NRG1: variants seen among roughly 807,000 people sequenced by gnomAD.
NRG1 encodes neuregulin 1.
Under a neutral mutation model 63.8 loss-of-function variants are expected in NRG1, and 18 were observed. That is an observed-to-expected ratio of 0.28 (90% CI 0.19 to 0.42). The LOEUF is 0.42. Among genes scored for constraint, NRG1 ranks in the 10% least tolerant of loss-of-function variants. The pLI is 1.00. For synonymous variants in NRG1, 302 were observed against 301.3 expected (o/e 1.00, Z -0.02); for missense variants, 762 against 814.7 (o/e 0.94, Z 0.79).
At position 32,294,704 on chromosome 8, in the gene NRG1, CA is replaced by C. The variant is rs1177309727; in HGVS notation, c.38-301123del. Among the ~76,000 whole-genome samples, 6 of 152,278 alleles carry C rather than the reference CA, an allele frequency of 3.9e-5. No homozygotes were observed. The East Asian group carries it at 1.2e-3, about 30-fold the overall frequency. ...CTCTTAGCTCTGTTCAACCAAATCC[CA>C]TTATTGTCAGGAGAGGCTCTGGCAG... On this transcript the variant is annotated intron_variant, in intron 1 of 10. Transcript: ENST00000519301.
intron 5 of NRG1, among the ~76,000 whole-genome samples, chr8:32,642,605 GA>G (rs1852639102): frequency 6.6e-6 from 1 of 152,104 alleles, no homozygotes; most frequent in Non-Finnish European, 1.5e-5. Context: ...TGAAAATTAT[GA>G]TTTCATAATT....
intron 1 of NRG1, among the ~76,000 whole-genome samples, chr8:31,797,372 A>G (rs940275659): frequency 2.0e-5 from 3 of 152,112 alleles, no homozygotes; most frequent in Non-Finnish European, 2.9e-5. Context: ...TTTAGTCACC[A>G]TAAGTTGTGA....
intron 1 of NRG1, among the ~76,000 whole-genome samples, chr8:31,719,744 A>G (rs1424420832): frequency 3.3e-5 from 5 of 152,222 alleles, no homozygotes; most frequent in East Asian, 1.9e-4. Context: ...AGGATGAGCC[A>G]TAGTCATGCA....
At position 32,379,553 on chromosome 8, in the gene NRG1, T is replaced by G. The variant is rs78265131; in HGVS notation, c.38-216275T>G. 9.7e-3 allele frequency among the ~76,000 whole-genome samples: 1,471 copies of G among 152,340 alleles called. 30 individuals are homozygous for G. Among genetic ancestry groups the G allele is most frequent in the African/African-American group, 0.033 (1,391 of 41,574 alleles). ...ATCCTCTGGTAGGGGTAATTGCATATGATTGATATAACAAATTATGATTCA... is the reference window on the plus strand; with the variant it reads ...ATCCTCTGGTAGGGGTAATTGCATAGGATTGATATAACAAATTATGATTCA... On this transcript the variant is annotated intron_variant, in intron 1 of 10. Coordinates refer to the NRG1 transcript ENST00000519301.
intron 5 of NRG1, among the ~76,000 whole-genome samples, chr8:32,678,159 A>G (rs1234815477): frequency 1.3e-5 from 2 of 152,226 alleles, no homozygotes; most frequent in African/African-American, 2.4e-5. Context: ...TTAGAGATTT[A>G]ATTACATTTA....
chr8:32,027,452 CCTTCCTTCCT>C (rs1563695950), intron 1 of NRG1, among the ~76,000 whole-genome samples: 12 of 133,436 alleles, frequency 9.0e-5, no homozygotes, highest in East Asian at 2.2e-4. Flanking sequence ...TTCCTTCCTT[CCTTCCTTCCT>C]TCCTTCCCTC....
At chr8:32,728,553 A>C in intron 6 of NRG1, 1 of 985,260 alleles carries the variant, frequency 1.0e-6, no homozygotes, top group South Asian at 4.7e-5. Flanking sequence ...TATCTATTAC[A>C]CTTGGGATTG....
At chr8:32,254,591 C>A (rs1849474125) in intron 1 of NRG1, among the ~76,000 whole-genome samples, 1 of 152,086 alleles carries the variant, frequency 6.6e-6, no homozygotes, top group South Asian at 2.1e-4. Flanking sequence ...TGTTTCACTT[C>A]CAATTATGTG....
At chr8:31,692,074 C>A (rs891688523) in intron 1 of NRG1, among the ~76,000 whole-genome samples, 1 of 152,170 alleles carries the variant, frequency 6.6e-6, no homozygotes, top group Non-Finnish European at 1.5e-5. Context: ...CTCAAGCAAT[C>A]CCCCTGCTTA....
At chr8:31,817,942 C>A (rs1823614365) in intron 1 of NRG1, among the ~76,000 whole-genome samples, 1 of 152,094 alleles carries the variant, frequency 6.6e-6, no homozygotes, top group African/African-American at 2.4e-5. Context: ...TATTTTTAAT[C>A]TACTTTAGCA....
rs192029475 is a variant in NRG1, at chr8:32,733,280, G to T, written c.632+5202G>T. 6.2e-4 allele frequency among the ~76,000 whole-genome samples: 95 copies of T among 152,196 alleles called. 1 individual carries two copies. The highest frequency in any genetic ancestry group is 2.3e-3 in the African/African-American group (94 of 41,530). On this transcript the variant is annotated intron_variant, in intron 6 of 11. Transcript: ENST00000356819. Reference sequence around the variant, plus strand: ...ACAAACTAAATTTGGAAAGATGGAAGGTATCTGTAAACATAGACTTTTATA... The same window carrying T: ...ACAAACTAAATTTGGAAAGATGGAATGTATCTGTAAACATAGACTTTTATA...
At chr8:32,060,322 T>G (rs1207953615) in intron 1 of NRG1, among the ~76,000 whole-genome samples, 1 of 151,850 alleles carries the variant, frequency 6.6e-6, no homozygotes, top group African/African-American at 2.4e-5. Flanking sequence ...ATCTTTATCC[T>G]TAGTGAGAAC....
intron 1 of NRG1, among the ~76,000 whole-genome samples, chr8:32,113,996 G>A (rs1440021976): frequency 6.6e-6 from 1 of 152,166 alleles, no homozygotes; most frequent in East Asian, 1.9e-4. Context: ...CCAAGACCAT[G>A]CCATTTAAAC....
chr8:31,768,153 C>T (rs1398108953), intron 1 of NRG1, among the ~76,000 whole-genome samples: 1 of 152,010 alleles, frequency 6.6e-6, no homozygotes, highest in Non-Finnish European at 1.5e-5. Context: ...ATTTTTTTTA[C>T]CCTAAATGAT....
intron 1 of NRG1, among the ~76,000 whole-genome samples, chr8:32,555,798 G>A (rs1238979280): frequency 6.6e-6 from 1 of 152,212 alleles, no homozygotes; most frequent in Non-Finnish European, 1.5e-5. Context: ...TGGTCACACA[G>A]GCCTTGTTAT....
chr8:31,916,847 C>T (rs568839308), intron 1 of NRG1, among the ~76,000 whole-genome samples: 1 of 151,482 alleles, frequency 6.6e-6, no homozygotes, highest in Admixed American at 6.6e-5. Context: ...CCTATTTCTT[C>T]ACATCCTCTC....
chr8:32,191,236 C>G (rs944414040), intron 1 of NRG1, among the ~76,000 whole-genome samples: 2 of 152,212 alleles, frequency 1.3e-5, no homozygotes, highest in East Asian at 1.9e-4. Flanking sequence ...AGGCACCCAC[C>G]ACCATGCCTG....
At chr8:31,653,197 A>G (rs1021030468) in intron 1 of NRG1, among the ~76,000 whole-genome samples, 6 of 151,976 alleles carry the variant, frequency 3.9e-5, no homozygotes, top group Non-Finnish European at 8.8e-5. Context: ...TTCTATAATG[A>G]ATGCACATTA....
intron 1 of NRG1, among the ~76,000 whole-genome samples, chr8:32,583,711 G>T (rs568117305): frequency 6.6e-6 from 1 of 152,178 alleles, no homozygotes; most frequent in East Asian, 1.9e-4. Flanking sequence ...CCCTACCCTG[G>T]GCTCACCCAG....
Sources: gnomAD v4.1 joint callset for allele counts (sites outside exome capture counted in the v4.1 genomes callset) on GRCh38, gnomAD v4.1.1 for gene constraint, MANE v1.5 for transcripts, NCBI Gene and HGNC (gene_info 2026-07-23, HGNC 2026-07-21) for gene names.